The following ADCY1 variants were observed in gnomAD, a reference collection of about 807,000 sequenced individuals.
ADCY1 encodes the protein adenylate cyclase type 1.
Under a neutral mutation model 105.4 loss-of-function variants are expected in ADCY1, and 28 were observed. That is an observed-to-expected ratio of 0.27 (90% CI 0.20 to 0.36). The LOEUF is 0.36. Among genes scored for constraint, ADCY1 ranks in the 10% least tolerant of loss-of-function variants. The probability of loss-of-function intolerance (pLI) is 1.00; values close to 1 mark genes in which losing one functional copy is unlikely to be tolerated. For synonymous variants in ADCY1, 655 were observed against 623.8 expected, an observed-to-expected ratio of 1.05 and a Z score of -0.75; for missense variants, 977 against 1,434.2, an observed-to-expected ratio of 0.68 and a Z score of 5.15.
chr7:45,709,616 A>G (rs1785186091), intron 18 of ADCY1, among the ~76,000 whole-genome samples: 1 of 152,214 alleles, frequency 6.6e-6, no homozygotes, highest in Non-Finnish European at 1.5e-5. Context: ...ATGCCATGCC[A>G]GCTCCCCACT....
At chr7:45,636,549 CGTTT>C (rs1022139940) in intron 4 of ADCY1, among the ~76,000 whole-genome samples, 12 of 151,986 alleles carry the variant, frequency 7.9e-5, no homozygotes, top group African/African-American at 2.2e-4. Context: ...TGTGTGTGTT[CGTTT>C]GTTTGTTTTT....
At chr7:45,660,884 A>T (rs1795080871) in intron 7 of ADCY1, among the ~76,000 whole-genome samples, 1 of 134,644 alleles carries the variant, frequency 7.4e-6, no homozygotes, top group South Asian at 2.4e-4. Context: ...GGCTCAGGTG[A>T]GGTGTTCAGG....
intron 2 of ADCY1, among the ~76,000 whole-genome samples, chr7:45,593,243 G>A (rs376355683): frequency 3.9e-5 from 6 of 152,198 alleles, no homozygotes; most frequent in African/African-American, 9.6e-5. Flanking sequence ...GAATGTGACC[G>A]TGCAGGTGGC....
chr7:45,596,575 G>A (rs1484200872), intron 2 of ADCY1, among the ~76,000 whole-genome samples: 1 of 152,202 alleles, frequency 6.6e-6, no homozygotes, highest in East Asian at 1.9e-4. Context: ...AATGCACCCT[G>A]GTCCTGGGAG....
rs377092382 is a variant in ADCY1 at position 45,591,067 on chromosome 7, T to C, written c.640-1692T>C. Among the ~76,000 whole-genome samples, 14 of 152,278 alleles carry C rather than the reference T, an allele frequency of 9.2e-5. No homozygotes were observed. The highest frequency in any genetic ancestry group is 3.1e-4 in the African/African-American group (13 of 41,548). On this transcript the variant is annotated intron_variant, in intron 1 of 19. Transcript: ENST00000297323. The surrounding 1 kb of genome is among the most constrained non-coding windows in gnomAD (Gnocchi z 4.1). ...GTCACCTCTTTGAGAGTGGCTCTGATGTTGTTTCCAGATTGCATGTGACCG... is the reference window on the plus strand; with the variant it reads ...GTCACCTCTTTGAGAGTGGCTCTGACGTTGTTTCCAGATTGCATGTGACCG...
At chr7:45,698,544 A>G (rs1052953046) in intron 14 of ADCY1, among the ~76,000 whole-genome samples, 1 of 152,156 alleles carries the variant, frequency 6.6e-6, no homozygotes, top group African/African-American at 2.4e-5. Flanking sequence ...CACCTGTTGC[A>G]TTGGCAGGAC....
intron 2 of ADCY1, among the ~76,000 whole-genome samples, chr7:45,606,072 C>T (rs956163139): frequency 1.3e-5 from 2 of 152,188 alleles, no homozygotes; most frequent in Non-Finnish European, 2.9e-5. Flanking sequence ...GTGGGGAGGG[C>T]TCCTTCTTAC....
intron 3 of ADCY1, among the ~76,000 whole-genome samples, chr7:45,621,781 A>C (rs540087668): frequency 1.1e-4 from 16 of 152,314 alleles, no homozygotes; most frequent in Non-Finnish European, 1.8e-4. Flanking sequence ...GGAAGCCTCA[A>C]AGTTAGAGAA....
intron 8 of ADCY1, among the ~76,000 whole-genome samples, chr7:45,662,736 A>G (rs781098990): frequency 1.3e-4 from 20 of 152,130 alleles, no homozygotes; most frequent in Non-Finnish European, 2.8e-4. Flanking sequence ...CCAGACGAGC[A>G]AAACAGCAAA....
At chr7:45,709,597 G>C (rs1456588321) in intron 18 of ADCY1, among the ~76,000 whole-genome samples, 1 of 152,186 alleles carries the variant, frequency 6.6e-6, no homozygotes, top group African/African-American at 2.4e-5. Context: ...CTGCTCTCAG[G>C]CTCCTCCTAT....
At chr7:45,599,080 T>TGTC (rs1793151612) in intron 2 of ADCY1, among the ~76,000 whole-genome samples, 1 of 152,150 alleles carries the variant, frequency 6.6e-6, no homozygotes, top group Non-Finnish European at 1.5e-5. Context: ...TCCTGTGTGC[T>TGTC]GTCAGCCCCC....
rs1329214502 is a variant in ADCY1, at chr7:45,610,477, C to G, written c.888C>G (p.Ile296Met). The G allele has an allele frequency of 1.2e-6, 2 of 1,613,746 alleles. No individual in the cohort carries two copies. The highest frequency in any genetic ancestry group is 1.7e-6 in the Non-Finnish European group (2 of 1,179,908). ...PPERIFHKIY[I>M]QRHDNVSILF... The stretch of plus-strand genomic sequence containing the variant: ...AGAGGATTTTCCACAAGATTTACAT[C>G]CAGAGGCACGACAATGTGAGGTAGG... The change falls in exon 3 of 20, where the codon ATC (isoleucine) becomes ATG (methionine). Residue 296 changes from isoleucine to methionine, a missense_variant. Coordinates refer to ENST00000297323, the MANE Select transcript of ADCY1 (RefSeq NM_021116.4).
intron 5 of ADCY1, among the ~76,000 whole-genome samples, chr7:45,652,676 C>T (rs530243603): frequency 4.6e-5 from 7 of 152,274 alleles, no homozygotes; most frequent in African/African-American, 1.4e-4. Context: ...GAGTCTAGGA[C>T]CCGTTTTGTC....
intron 4 of ADCY1, among the ~76,000 whole-genome samples, chr7:45,640,109 G>C (rs1794496156): frequency 6.6e-6 from 1 of 152,186 alleles, no homozygotes; most frequent in African/African-American, 2.4e-5. Context: ...TGGGCCTCCT[G>C]GTCATAGATG....
chr7:45,582,904 C>G (rs11770013), intron 1 of ADCY1, among the ~76,000 whole-genome samples: 49,680 of 152,080 alleles, frequency 0.33, 8,620 homozygotes, highest in East Asian at 0.51. Context: ...TGGCTTTGTG[C>G]TGAAGGCAGC....
chr7:45,620,280 GCTGTAGATAT>G (rs1337788132), intron 3 of ADCY1, among the ~76,000 whole-genome samples: 1 of 152,128 alleles, frequency 6.6e-6, no homozygotes. Flanking sequence ...TGGCCATGAA[GCTGTAGATAT>G]CTGCTGTACA....
At chr7:45,672,906 C>T (rs960879385) in intron 8 of ADCY1, among the ~76,000 whole-genome samples, 5 of 152,100 alleles carry the variant, frequency 3.3e-5, no homozygotes, top group Non-Finnish European at 7.4e-5. Flanking sequence ...GGAACGTGTT[C>T]AGTCTTTCAC....
rs1331552061 is a variant in ADCY1 at position 45,715,399 on chromosome 7, C to T, written c.*1404C>T. 2.6e-5 allele frequency: 4 copies of T among 152,442 alleles called. No homozygotes were observed. The highest frequency in any genetic ancestry group is 4.4e-5 in the Non-Finnish European group (3 of 68,228). 9.4% of individuals were successfully genotyped at this position (152,442 alleles called of 1,614,324 possible). ...ACTGCAGATGAGGCCTGAGCCCTGC[C>T]TATGCTCAAAGCCAGCAGGGTTGGG... On this transcript the variant is annotated 3_prime_UTR_variant, in exon 20 of 20. Coordinates refer to ENST00000297323, the MANE Select transcript of ADCY1 (RefSeq NM_021116.4).
At chr7:45,675,887 C>A (rs1431034309) in intron 8 of ADCY1, among the ~76,000 whole-genome samples, 1 of 152,180 alleles carries the variant, frequency 6.6e-6, no homozygotes, top group Non-Finnish European at 1.5e-5. Context: ...TTACTTCAAT[C>A]TGTACGTTTA....
Sources: gnomAD v4.1 joint callset for allele counts (sites outside exome capture counted in the v4.1 genomes callset) on GRCh38, gnomAD v4.1.1 for gene constraint, Gnocchi (gnomAD v3.1) non-coding constraint, MANE v1.5 for transcripts, NCBI Gene and HGNC (gene_info 2026-07-23, HGNC 2026-07-21) for gene names.